The following NALCN variants were observed in gnomAD, a reference collection of about 807,000 sequenced individuals.
NALCN encodes the protein sodium leak channel, non-selective, also known as sodium leak channel NALCN.
A neutral mutation model predicts 225.3 loss-of-function variants in NALCN; 111 were observed. That is an observed-to-expected ratio of 0.49 (90% CI 0.42 to 0.58). The LOEUF (loss-of-function observed/expected upper bound fraction) is 0.58, where lower values mean the gene tolerates loss of function less well. Ranked by LOEUF, NALCN falls within the 20% of genes least tolerant of loss-of-function variation. The pLI is 0.00. For missense variants in NALCN, 1,378 were observed against 2,202.4 expected (o/e 0.63, Z 7.49); for synonymous variants, 764 against 769.0 (o/e 0.99, Z 0.11).
At chr13:101,218,710 CCT>C (rs2040831166) in intron 13 of NALCN, among the ~76,000 whole-genome samples, 1 of 151,990 alleles carries the variant, frequency 6.6e-6, no homozygotes, top group African/African-American at 2.4e-5. Flanking sequence ...TGTAGCACCT[CCT>C]CTCTCTTTCT....
intron 15 of NALCN, among the ~76,000 whole-genome samples, chr13:101,154,752 T>G (rs2139839037): frequency 6.6e-6 from 1 of 152,328 alleles, no homozygotes; most frequent in East Asian, 1.9e-4. Context: ...ATATTTCTCT[T>G]CATTCTATTA....
At chr13:101,217,594 T>C (rs1474236102) in intron 13 of NALCN, among the ~76,000 whole-genome samples, 1 of 152,156 alleles carries the variant, frequency 6.6e-6, no homozygotes, top group Non-Finnish European at 1.5e-5. Flanking sequence ...CTCTACTTAC[T>C]GATGCTTACA....
At chr13:101,311,298 A>G (rs2044335504) in intron 7 of NALCN, among the ~76,000 whole-genome samples, 1 of 151,918 alleles carries the variant, frequency 6.6e-6, no homozygotes, top group South Asian at 2.1e-4. Flanking sequence ...TAATCATGTC[A>G]TCTGCAAACA....
At chr13:101,340,732 G>A (rs1473121844) in intron 7 of NALCN, among the ~76,000 whole-genome samples, 1 of 152,146 alleles carries the variant, frequency 6.6e-6, no homozygotes, top group Non-Finnish European at 1.5e-5. Context: ...CCACAAAGGA[G>A]TCATGTGCCC....
chr13:101,280,555 A>G (rs980450152), intron 10 of NALCN, among the ~76,000 whole-genome samples: 1 of 152,222 alleles, frequency 6.6e-6, no homozygotes. Flanking sequence ...TGAGGCATCT[A>G]TTAACAAGGA....
At chr13:101,163,755 G>T (rs999664697) in intron 15 of NALCN, among the ~76,000 whole-genome samples, 9 of 152,190 alleles carry the variant, frequency 5.9e-5, no homozygotes, top group Admixed American at 2.6e-4. Context: ...TGTGTTAGTT[G>T]TCTAGGGCCG....
chr13:101,128,047 T>C (rs1343049288), intron 17 of NALCN, among the ~76,000 whole-genome samples: 1 of 152,192 alleles, frequency 6.6e-6, no homozygotes, highest in Non-Finnish European at 1.5e-5. Context: ...TCTGAAATTG[T>C]AAATTACAGC....
At chr13:101,250,225 T>C (rs1007149894) in intron 11 of NALCN, among the ~76,000 whole-genome samples, 1 of 152,176 alleles carries the variant, frequency 6.6e-6, no homozygotes, top group East Asian at 1.9e-4. Flanking sequence ...AATAACTGAA[T>C]AGAGATGTTC....
chr13:101,240,703 T>C (rs1309960088), intron 11 of NALCN, among the ~76,000 whole-genome samples: 1 of 152,166 alleles, frequency 6.6e-6, no homozygotes, highest in African/African-American at 2.4e-5. Flanking sequence ...CGTTCATATA[T>C]AGTGGTTGAA....
rs113071404 is a variant in NALCN, at chr13:101,225,929, T to C, written c.1626+3464A>G. 3.5e-3 allele frequency among the ~76,000 whole-genome samples: 528 copies of C among 152,084 alleles called. 3 individuals are homozygous for C. Among genetic ancestry groups the C allele is most frequent in the African/African-American group, 0.011 (473 of 41,490 alleles). On this transcript the variant is annotated intron_variant, in intron 13 of 43. Coordinates refer to ENST00000251127, the MANE Select transcript of NALCN (RefSeq NM_052867.4). ...TGACAGGATCATGGACATCTCACAA[T>C]TACCTAAAAACATCTACAGATGGCA...
At chr13:101,286,083 G>A (rs936311872) in intron 9 of NALCN, among the ~76,000 whole-genome samples, 13 of 152,084 alleles carry the variant, frequency 8.5e-5, no homozygotes, top group Admixed American at 2.0e-4. Context: ...ATGCAAAAAC[G>A]TTCAATTTCT....
chr13:101,237,780 T>C lies in NALCN; in HGVS notation c.1409A>G (p.Tyr470Cys). 2 of 1,586,260 alleles carry C rather than the reference T, an allele frequency of 1.3e-6. No individual in the cohort carries two copies. Among genetic ancestry groups the C allele is most frequent in the South Asian group, 1.2e-5 (1 of 84,106 alleles). The change falls in exon 12 of 44, where the codon TAT becomes TGT. Residue 470 changes from tyrosine (Y) to cysteine (C), a missense_variant. By Grantham distance (194) the Tyr-to-Cys change is radical. Transcript: ENST00000251127. ...GTTLHVYPDL[Y>C]HSQFTYFQVL... Reference sequence around the variant, plus strand: ...CTGAAAGTACGTGAATTGTGAATGATAAAGATCTGGGTATACATGAAGAGT... The same window carrying C: ...CTGAAAGTACGTGAATTGTGAATGACAAAGATCTGGGTATACATGAAGAGT...
intron 13 of NALCN, among the ~76,000 whole-genome samples, chr13:101,223,491 C>A (rs562728126): frequency 6.6e-6 from 1 of 152,266 alleles, no homozygotes; most frequent in East Asian, 1.9e-4. Context: ...GAAATCATCC[C>A]CAGGTTTGGG....
intron 13 of NALCN, among the ~76,000 whole-genome samples, chr13:101,210,142 T>A (rs2040466643): frequency 6.6e-6 from 1 of 152,174 alleles, no homozygotes; most frequent in Admixed American, 6.5e-5. Flanking sequence ...ATGCAGCCCA[T>A]TAGCTTCCAT....
chr13:101,063,830 C>G (rs1162909377), intron 40 of NALCN, among the ~76,000 whole-genome samples: 1 of 151,996 alleles, frequency 6.6e-6, no homozygotes, highest in Non-Finnish European at 1.5e-5. Flanking sequence ...GTAGGTACTG[C>G]TATGTGATTA....
chr13:101,223,328 C>T (rs1277770305), intron 13 of NALCN, among the ~76,000 whole-genome samples: 1 of 152,192 alleles, frequency 6.6e-6, no homozygotes, highest in Non-Finnish European at 1.5e-5. Flanking sequence ...GGGACACCTT[C>T]CAGGACAGGA....
chr13:101,096,062 A>C (rs993459862), intron 27 of NALCN, among the ~76,000 whole-genome samples: 1 of 152,102 alleles, frequency 6.6e-6, no homozygotes, highest in African/African-American at 2.4e-5. Flanking sequence ...AGATAACAAC[A>C]AGCATTGGCG....
chr13:101,362,375 G>A (rs2139369031), intron 6 of NALCN, among the ~76,000 whole-genome samples: 1 of 152,072 alleles, frequency 6.6e-6, no homozygotes, highest in South Asian at 2.1e-4. Flanking sequence ...TAAAATCCTG[G>A]CTTTCTTACT....
chr13:101,078,123 G>A (rs528375788), intron 34 of NALCN, among the ~76,000 whole-genome samples: 1 of 151,768 alleles, frequency 6.6e-6, no homozygotes, highest in Non-Finnish European at 1.5e-5. Flanking sequence ...AGGATGTATA[G>A]AAACAACTGG....
Sources: allele counts gnomAD v4.1 joint callset (sites outside exome capture counted in the v4.1 genomes callset), GRCh38; gene constraint gnomAD v4.1.1; transcripts MANE v1.5; gene names NCBI Gene and HGNC (gene_info 2026-07-23, HGNC 2026-07-21).